Variants in DSCAM observed in about 807,000 individuals in gnomAD.
The protein encoded by DSCAM is cell adhesion molecule DSCAM.
In DSCAM, 47 loss-of-function variants were observed where a neutral mutation model predicts 217.7. The observed-to-expected ratio is 0.22, with a 90% CI of 0.17 to 0.28. The LOEUF (loss-of-function observed/expected upper bound fraction) is 0.28. Ranked by LOEUF, DSCAM falls within the 10% of genes least tolerant of loss-of-function variation. The pLI, the probability that DSCAM is intolerant of heterozygous loss-of-function variation, is 1.00. For synonymous variants in DSCAM, 1,056 were observed against 1,015.3 expected, an observed-to-expected ratio of 1.04 and a Z score of -0.76; for missense variants, 2,080 against 2,618.3, an observed-to-expected ratio of 0.79 and a Z score of 4.49.
chr21:40,508,749 A>T (rs113346357), intron 3 of DSCAM, among the ~76,000 whole-genome samples: 1 of 2,398 alleles, frequency 4.2e-4, no homozygotes, highest in African/African-American at 2.7e-3. Flanking sequence ...ATATATATAT[A>T]TATATATATA....
chr21:40,804,759 T>C (rs1322853755), intron 1 of DSCAM, among the ~76,000 whole-genome samples: 2 of 152,224 alleles, frequency 1.3e-5, no homozygotes, highest in African/African-American at 4.8e-5. Flanking sequence ...TCATGCTACC[T>C]GTGCTCTTTA....
chr21:40,683,714 G>T (rs2090442215), intron 3 of DSCAM, among the ~76,000 whole-genome samples: 1 of 152,066 alleles, frequency 6.6e-6, no homozygotes, highest in African/African-American at 2.4e-5. Context: ...AGAGAACGTG[G>T]GGCTGAGCCA....
At chr21:40,165,143 G>A (rs377444966) in intron 16 of DSCAM, among the ~76,000 whole-genome samples, 3 of 152,264 alleles carry the variant, frequency 2.0e-5, no homozygotes, top group African/African-American at 7.2e-5. Flanking sequence ...CAGATGTGGG[G>A]CTCCCTCTTT....
chr21:40,511,344 A>G (rs972282181), intron 3 of DSCAM, among the ~76,000 whole-genome samples: 1 of 152,222 alleles, frequency 6.6e-6, no homozygotes, highest in South Asian at 2.1e-4. Context: ...AATTTTAAAT[A>G]CAAGAAATTC....
chr21:40,332,210 T>C (rs1251193633), intron 8 of DSCAM, among the ~76,000 whole-genome samples: 1 of 152,232 alleles, frequency 6.6e-6, no homozygotes, highest in Non-Finnish European at 1.5e-5. Flanking sequence ...TCTTGACTTT[T>C]TAAATAGCTT....
At position 40,137,559 on chromosome 21, in the gene DSCAM, C is replaced by T. The variant is rs573745213; in HGVS notation, c.3407-3550G>A. ...TTTTCTTTTTAAACATGAGTTTCTA[C>T]AGTCTAGCTTTCATGCCTCTGTAGG... On this transcript the variant is annotated intron_variant, in intron 18 of 32. Coordinates refer to ENST00000400454, the MANE Select transcript of DSCAM (RefSeq NM_001389.5). Among the ~76,000 whole-genome samples, 25 of 151,200 alleles carry T rather than the reference C, an allele frequency of 1.7e-4. No individual in the cohort carries two copies. In the South Asian group the frequency reaches 5.0e-3, roughly 30 times the overall value.
chr21:40,796,156 A>T (rs2091689766), intron 1 of DSCAM, among the ~76,000 whole-genome samples: 1 of 152,206 alleles, frequency 6.6e-6, no homozygotes. Context: ...GCAGGAGGCC[A>T]TATGTCTATA....
At chr21:40,091,143 C>G (rs1568935535) in intron 21 of DSCAM, among the ~76,000 whole-genome samples, 2 of 152,062 alleles carry the variant, frequency 1.3e-5, no homozygotes, top group Admixed American at 6.5e-5. Context: ...TGGCAACTCT[C>G]TGTACTATCA....
intron 11 of DSCAM, among the ~76,000 whole-genome samples, chr21:40,232,301 C>T (rs373097168): frequency 2.3e-4 from 35 of 152,266 alleles, no homozygotes; most frequent in East Asian, 2.1e-3. Flanking sequence ...GGCTTAGCCA[C>T]CTGTTATGGG....
At chr21:40,130,228 A>C (rs2090140997) in intron 19 of DSCAM, among the ~76,000 whole-genome samples, 1 of 151,908 alleles carries the variant, frequency 6.6e-6, no homozygotes, top group Non-Finnish European at 1.5e-5. Context: ...TTACGGCTTG[A>C]CTCGTATTAT....
chr21:40,100,767 G>A (rs1026315221), intron 20 of DSCAM, among the ~76,000 whole-genome samples: 6 of 151,982 alleles, frequency 3.9e-5, no homozygotes, highest in African/African-American at 1.5e-4. Context: ...TGTGGCAAAA[G>A]GAGAAATCTG....
At chr21:40,159,685 G>A (rs2090518482) in intron 16 of DSCAM, among the ~76,000 whole-genome samples, 1 of 152,106 alleles carries the variant, frequency 6.6e-6, no homozygotes, top group Non-Finnish European at 1.5e-5. Context: ...AGCGTTCAAG[G>A]AATTATTCTG....
chr21:40,541,713 TA>T (rs2076544175), intron 3 of DSCAM, among the ~76,000 whole-genome samples: 1 of 152,174 alleles, frequency 6.6e-6, no homozygotes, highest in South Asian at 2.1e-4. Context: ...TTACATGTAT[TA>T]AAATGAACTT....
Position 40,687,509 on chromosome 21 carries a change from C to T in DSCAM, c.508+5301G>A, listed in dbSNP as rs187029574. On this transcript the variant is annotated intron_variant, in intron 3 of 32. Transcript: ENST00000400454. ...TCAAGAGTGCACAAAGCAGAGGCCC[C>T]CCACAGCATGACCCTCAGGTCCCCC... 1.2e-3 allele frequency among the ~76,000 whole-genome samples: 184 copies of T among 152,138 alleles called. 1 individual carries two copies. Among genetic ancestry groups the T allele is most frequent in the Non-Finnish European group, 4.1e-4 (28 of 68,010 alleles).
chr21:40,359,244 T>A (rs2074730808), intron 4 of DSCAM, among the ~76,000 whole-genome samples: 1 of 152,210 alleles, frequency 6.6e-6, no homozygotes. Context: ...GTGCCAGCCT[T>A]CACATCCACA....
chr21:40,705,086 A>T (rs907651101), intron 2 of DSCAM, among the ~76,000 whole-genome samples: 1 of 152,218 alleles, frequency 6.6e-6, no homozygotes, highest in Non-Finnish European at 1.5e-5. Context: ...AAAGCTGGGG[A>T]CAAGAGACCA....
In DSCAM at chr21:40,381,079, A is replaced by G. The variant is rs1027293854; in HGVS notation, c.509-11834T>C. Among the ~76,000 whole-genome samples, 34 of 149,994 alleles carry G rather than the reference A, an allele frequency of 2.3e-4. 2 individuals carry two copies. In the East Asian group the frequency reaches 2.4e-3, roughly 10 times the overall value. On this transcript the variant is annotated intron_variant, in intron 3 of 32. Coordinates refer to ENST00000400454, the MANE Select transcript of DSCAM (RefSeq NM_001389.5). ...CTCCGTCTCAAAAAAAAAAAAAAAAAAAAAAGAAAATAGAACTGATAGGAC... is the reference window on the plus strand; with the variant it reads ...CTCCGTCTCAAAAAAAAAAAAAAAAGAAAAAGAAAATAGAACTGATAGGAC...
At position 40,013,148 on chromosome 21, in the gene DSCAM, C is replaced by G; in HGVS notation, c.5925G>C (p.Glu1975Asp). 1 of 1,613,526 alleles carries G rather than the reference C, an allele frequency of 6.2e-7. No homozygotes were observed. The change falls in exon 33 of 33, where the codon GAG becomes GAC. Residue 1975 changes from glutamate to aspartate, a missense_variant. This residue lies in a region of DSCAM where 145 missense variants were observed against 138.5 expected (regional missense o/e 1.05). Coordinates refer to ENST00000400454, the MANE Select transcript of DSCAM (RefSeq NM_001389.5). Reference protein sequence around the residue: ...PGAVATLPQREGAELGQAAKM... With the variant: ...PGAVATLPQRDGAELGQAAKM... ...TAGCTGCCTGTCCCAGCTCTGCTCCCTCCCGCTGAGGTAATGTGGCCACGG... is the reference window on the plus strand; with the variant it reads ...TAGCTGCCTGTCCCAGCTCTGCTCCGTCCCGCTGAGGTAATGTGGCCACGG...
At chr21:40,138,573 G>T (rs1299720550) in intron 18 of DSCAM, among the ~76,000 whole-genome samples, 15 of 145,994 alleles carry the variant, frequency 1.0e-4, no homozygotes, top group Non-Finnish European at 2.3e-4. Context: ...CATATACGGG[G>T]TGTGTGTGGT....
Sources: allele counts gnomAD v4.1 joint callset (sites outside exome capture counted in the v4.1 genomes callset), GRCh38; gene constraint gnomAD v4.1.1; regional missense constraint gnomAD v4.1.1; transcripts MANE v1.5; gene names NCBI Gene and HGNC (gene_info 2026-07-23, HGNC 2026-07-21).